Variants in VAX2 observed in about 807,000 individuals in gnomAD.
The protein encoded by VAX2 is ventral anterior homeobox 2.
Under a neutral mutation model 12.5 loss-of-function variants are expected in VAX2, and 8 were observed. The observed-to-expected ratio is 0.64, with a 90% CI of 0.37 to 1.15. VAX2 has a LOEUF of 1.15. Among genes scored for constraint, VAX2 ranks in the 50% most tolerant of loss-of-function variants. The probability of loss-of-function intolerance (pLI) is 0.01; values close to 1 mark genes in which losing one functional copy is unlikely to be tolerated. For missense variants in VAX2, 476 were observed against 412.9 expected, an observed-to-expected ratio of 1.15 and a Z score of -1.32; for synonymous variants, 183 against 187.6, an observed-to-expected ratio of 0.98 and a Z score of 0.20.
intron 1 of VAX2, among the ~76,000 whole-genome samples, chr2:70,905,807 C>T (rs1679044733): frequency 1.3e-5 from 2 of 152,188 alleles, no homozygotes; most frequent in South Asian, 2.1e-4. Flanking sequence ...GAGGAGATGG[C>T]AGTGGCATGC....
chr2:70,900,757 G>A lies in VAX2; in HGVS notation c.136G>A (p.Val46Met), dbSNP rs200413581. Residue 46 changes from valine (V) to methionine (M), a missense_variant, in exon 1 of 3, where the codon GTG becomes ATG. By Grantham distance (21) the Val-to-Met change is conservative. Transcript: ENST00000234392. ...TGGCGGTGGCCACAGCCCAACGGAG[G>A]TGGCCGGGACCTCAGCCTCCAGTCC... ...ADGGGHSPTEVAGTSASSPAG... is the reference protein window; with the variant it reads ...ADGGGHSPTEMAGTSASSPAG... The A allele has an allele frequency of 1.1e-4, 163 of 1,486,864 alleles. No individual in the cohort carries two copies. The African/African-American group carries it at 2.2e-3, about 20-fold the overall frequency. 92.1% of individuals were successfully genotyped at this position (1,486,864 alleles called of 1,614,324 possible). A position where few individuals can be genotyped will look rare whatever the true frequency, so the allele number is the denominator to read the frequency against.
chr2:70,918,348 G>C (rs1489979208), intron 1 of VAX2, among the ~76,000 whole-genome samples: 1 of 152,206 alleles, frequency 6.6e-6, no homozygotes, highest in Non-Finnish European at 1.5e-5. Flanking sequence ...GCACTGGCAG[G>C]ACCCAGAAAG....
intron 2 of VAX2, among the ~76,000 whole-genome samples, chr2:70,926,318 G>A (rs1558661753): frequency 6.6e-6 from 1 of 152,096 alleles, no homozygotes; most frequent in African/African-American, 2.4e-5. Context: ...CTGGAGAGCA[G>A]GGGCAGCCTC....
intron 2 of VAX2, among the ~76,000 whole-genome samples, chr2:70,926,931 G>C (rs7587111): frequency 0.12 from 18,657 of 152,046 alleles, 1,393 homozygotes; most frequent in East Asian, 0.23. Context: ...CTAGTTAAGG[G>C]AACCAGAATT....
chr2:70,927,759 C>T (rs904381452), intron 2 of VAX2, among the ~76,000 whole-genome samples: 6 of 151,892 alleles, frequency 4.0e-5, no homozygotes, highest in African/African-American at 1.5e-4. Context: ...AGAAAGAAAT[C>T]AGGGAGGGGG....
chr2:70,907,119 C>T (rs1413396738), intron 1 of VAX2, among the ~76,000 whole-genome samples: 1 of 152,266 alleles, frequency 6.6e-6, no homozygotes, highest in Non-Finnish European at 1.5e-5. Flanking sequence ...GTTGCAATGT[C>T]CTTCTTATAT....
chr2:70,914,452 A>AAAAAT (rs1679264599), intron 1 of VAX2, among the ~76,000 whole-genome samples: 1 of 152,218 alleles, frequency 6.6e-6, no homozygotes, highest in East Asian at 1.9e-4. Context: ...CTCTATCTCA[A>AAAAAT]AAAATAAAAT....
At chr2:70,913,553 G>C (rs1302878174) in intron 1 of VAX2, among the ~76,000 whole-genome samples, 1 of 152,046 alleles carries the variant, frequency 6.6e-6, no homozygotes, top group African/African-American at 2.4e-5. Flanking sequence ...GTGGGTGCCT[G>C]TAATCTCAAC....
chr2:70,929,884 C>A (rs368129646), intron 2 of VAX2, among the ~76,000 whole-genome samples: 15 of 152,344 alleles, frequency 9.8e-5, no homozygotes, highest in East Asian at 7.7e-4. Flanking sequence ...CTCTGCCTCC[C>A]CAACTCCACC....
In VAX2 at chr2:70,933,094, C is replaced by G; in HGVS notation, c.763C>G (p.Leu255Val). The part of the protein sequence containing the change: ...LPAVCFSSAP[L>V]LDLPAGYELG... ...AGCTGTCTGCTTTTCCTCGGCCCCG[C>G]TCCTGGATCTGCCTGCCGGCTACGA... The change falls in exon 3 of 3, where the codon CTC (leucine) becomes GTC (valine). Residue 255 changes from leucine to valine, a missense_variant. Physicochemically the swap from Leu to Val is conservative, Grantham distance 32 (BLOSUM62 1). Transcript: ENST00000234392. 1 of 1,610,358 alleles carries G rather than the reference C, an allele frequency of 6.2e-7. No individual in the cohort carries two copies. Among genetic ancestry groups the G allele is most frequent in the Middle Eastern group, 1.7e-4 (1 of 6,048 alleles).
At chr2:70,930,192 T>A (rs1362834504) in intron 2 of VAX2, among the ~76,000 whole-genome samples, 2 of 151,962 alleles carry the variant, frequency 1.3e-5, no homozygotes, top group African/African-American at 2.4e-5. Context: ...ACCAACACTT[T>A]GTCTCTAAAA....
At chr2:70,924,345 CTTATTTAT>C (rs55918014) in intron 2 of VAX2, 1 of 150,400 alleles carries the variant, frequency 6.6e-6, no homozygotes, top group African/African-American at 2.4e-5. Flanking sequence ...AACAGTAAGT[CTTATTTAT>C]TTATTTATTT....
rs1355459772 is a variant in VAX2, at chr2:70,904,582, AC to A, written c.247+3718del. ...AAGCGGCCTCTCTGGGCTGACAGCC[AC>A]CCCTGCGGGTCCTCAAACCCCACTC... On this transcript the variant is annotated intron_variant, in intron 1 of 2. Coordinates refer to ENST00000234392, the MANE Select transcript of VAX2 (RefSeq NM_012476.3). The surrounding 1 kb of genome is among the most constrained non-coding windows in gnomAD (Gnocchi z 4.2). Among the ~76,000 whole-genome samples, 1 of 152,056 alleles carries A rather than the reference AC, an allele frequency of 6.6e-6. No individual in the cohort carries two copies. The highest frequency in any genetic ancestry group is 6.6e-5 in the Admixed American group (1 of 15,262).
intron 2 of VAX2, among the ~76,000 whole-genome samples, chr2:70,927,917 C>G (rs1417578786): frequency 6.6e-6 from 1 of 152,128 alleles, no homozygotes; most frequent in Non-Finnish European, 1.5e-5. Context: ...GGAGACAGCC[C>G]AGAAGGTGCA....
intron 1 of VAX2, among the ~76,000 whole-genome samples, chr2:70,914,551 G>C (rs979859425): frequency 6.6e-6 from 1 of 151,924 alleles, no homozygotes; most frequent in Non-Finnish European, 1.5e-5. Context: ...TATTAATAGC[G>C]TATAGGAGTG....
intron 2 of VAX2, among the ~76,000 whole-genome samples, chr2:70,931,567 A>T (rs541538279): frequency 6.6e-6 from 1 of 152,228 alleles, no homozygotes; most frequent in African/African-American, 2.4e-5. Flanking sequence ...GCCCCTCCCT[A>T]CGGAATGAGG....
At chr2:70,923,018 A>AGT (rs3836140) in intron 2 of VAX2, among the ~76,000 whole-genome samples, 88,844 of 151,106 alleles carry the variant, frequency 0.59, 26,387 homozygotes, top group East Asian at 0.64. Flanking sequence ...AGAGACAGAT[A>AGT]GTGTGTGTGT....
At chr2:70,917,108 G>A (rs376979546) in intron 1 of VAX2, among the ~76,000 whole-genome samples, 6 of 135,154 alleles carry the variant, frequency 4.4e-5, no homozygotes, top group African/African-American at 8.6e-5. Flanking sequence ...CCGAGATCGC[G>A]CCACTGCACT....
intron 2 of VAX2, 31 bp from the exon 3 acceptor site, chr2:70,932,736 C>T: frequency 7.3e-7 from 1 of 1,374,744 alleles, no homozygotes; most frequent in Non-Finnish European, 9.6e-7. Context: ...TGTCCCATCT[C>T]CCTCCTTGAC....
Sources: allele counts gnomAD v4.1 joint callset (sites outside exome capture counted in the v4.1 genomes callset), GRCh38; gene constraint gnomAD v4.1.1; non-coding constraint Gnocchi (gnomAD v3.1); transcripts MANE v1.5; gene names NCBI Gene and HGNC (gene_info 2026-07-23, HGNC 2026-07-21).